Variants in GALNT13 observed in about 807,000 individuals in gnomAD.
GALNT13 encodes the protein UDP-GalNAc:polypeptide N-acetylgalactosaminyltransferase 13.
GALNT13 carries 28 observed loss-of-function variants against 64.2 expected under a neutral mutation model. The ratio of observed to expected loss-of-function variants is 0.44; its 90% CI spans 0.32 to 0.60. The LOEUF (loss-of-function observed/expected upper bound fraction) is 0.60, where lower values mean the gene tolerates loss of function less well. GALNT13 is among the 20% of genes least tolerant of loss of function. GALNT13 has a pLI of 0.05. For synonymous variants in GALNT13, 214 were observed against 224.6 expected (o/e 0.95, Z 0.42); for missense variants, 577 against 669.8 (o/e 0.86, Z 1.53).
chr2:153,428,407 C>G, the GALNT13 span, among the ~76,000 whole-genome samples: 3 of 152,082 alleles, frequency 2.0e-5, no homozygotes, highest in Non-Finnish European at 2.9e-5. Context: ...GTCTTGGGAA[C>G]TCATCCCACT....
the GALNT13 span, among the ~76,000 whole-genome samples, chr2:153,327,338 A>T: frequency 6.6e-6 from 1 of 152,016 alleles, no homozygotes; most frequent in African/African-American, 2.4e-5. Context: ...CCAAATTTGA[A>T]TGTTGGCCTA....
intron 7 of GALNT13, 70 bp from the exon 8 acceptor site, chr2:154,258,951 C>T (rs1180497196): frequency 2.5e-6 from 2 of 790,926 alleles, no homozygotes; most frequent in Admixed American, 4.2e-5. Context: ...AAAATACGTG[C>T]TACAGTCTCA....
intron 9 of GALNT13, among the ~76,000 whole-genome samples, chr2:154,375,011 CAG>C (rs1476490734): frequency 3.3e-5 from 5 of 152,086 alleles, no homozygotes; most frequent in Admixed American, 6.5e-5. Context: ...GTTGTTGAGA[CAG>C]AGTCTCGCTC....
chr2:153,326,251 G>A, the GALNT13 span, among the ~76,000 whole-genome samples: 5 of 150,022 alleles, frequency 3.3e-5, no homozygotes, highest in Admixed American at 6.6e-5. Flanking sequence ...TTGTCTTTTC[G>A]GATCTTTGTT....
At chr2:154,149,536 G>T (rs1474880143) in intron 4 of GALNT13, among the ~76,000 whole-genome samples, 5 of 151,982 alleles carry the variant, frequency 3.3e-5, no homozygotes, top group African/African-American at 4.8e-5. Context: ...CATTTTCATG[G>T]TATTGATTCT....
At chr2:154,083,204 C>T (rs201329978) in intron 3 of GALNT13, among the ~76,000 whole-genome samples, 4 of 151,878 alleles carry the variant, frequency 2.6e-5, no homozygotes, top group East Asian at 3.9e-4. Context: ...TCAGGTTTGT[C>T]GAGGATCAGA....
the GALNT13 span, among the ~76,000 whole-genome samples, chr2:153,754,820 T>G: frequency 6.6e-6 from 1 of 152,158 alleles, no homozygotes; most frequent in Non-Finnish European, 1.5e-5. Flanking sequence ...GAGGAGAGCT[T>G]TAGCCCACAA....
chr2:154,301,755 A>T (rs1051279147), intron 9 of GALNT13, among the ~76,000 whole-genome samples, 166 bp downstream of exon 9: 1 of 152,150 alleles, frequency 6.6e-6, no homozygotes, highest in African/African-American at 2.4e-5. Context: ...GTAAATTTTG[A>T]TGTAAAATAA....
rs374663738 is a variant in GALNT13 at position 154,236,278 on chromosome 2, G to C, written c.312-5752G>C. On this transcript the variant is annotated intron_variant, in intron 4 of 12. Transcript: ENST00000392825. ...TGGCATAAGCCTAAAGGTTTTACAT[G>C]TTTCAAAGAGTCTATCTTTATGGTA... The C allele has an allele frequency of 1.2e-3, 569 of 487,438 alleles. 16 individuals are homozygous for C. In the South Asian group the frequency reaches 0.039, roughly 34 times the overall value. 30.2% of individuals were successfully genotyped at this position (487,438 alleles called of 1,614,324 possible). A position where few individuals can be genotyped will look rare whatever the true frequency, so the allele number is the denominator to read the frequency against.
chr2:153,792,610 C>T, the GALNT13 span, among the ~76,000 whole-genome samples: 1 of 152,114 alleles, frequency 6.6e-6, no homozygotes, highest in African/African-American at 2.4e-5. Context: ...AAATTTTACA[C>T]ATTTTCACAT....
At chr2:153,631,275 G>A in the GALNT13 span, among the ~76,000 whole-genome samples, 1 of 152,254 alleles carries the variant, frequency 6.6e-6, no homozygotes, top group East Asian at 1.9e-4. Flanking sequence ...AAACATACGT[G>A]TGCATGTGTC....
the GALNT13 span, among the ~76,000 whole-genome samples, chr2:153,841,196 CT>C: frequency 6.6e-6 from 1 of 151,890 alleles, no homozygotes; most frequent in Admixed American, 6.6e-5. Context: ...AATATTTTTC[CT>C]TCTATAGAGG....
intron 3 of GALNT13, among the ~76,000 whole-genome samples, chr2:153,968,094 G>A (rs527910542): frequency 3.9e-5 from 6 of 152,090 alleles, no homozygotes; most frequent in Admixed American, 6.6e-5. Flanking sequence ...AGCTGGTGTT[G>A]CTCTGGTCCG....
the GALNT13 span, among the ~76,000 whole-genome samples, chr2:153,508,015 T>C: frequency 2.6e-5 from 4 of 152,202 alleles, no homozygotes; most frequent in Non-Finnish European, 5.9e-5. Flanking sequence ...GGTCCAGTGA[T>C]GTGATCTGCC....
intron 9 of GALNT13, among the ~76,000 whole-genome samples, chr2:154,381,896 A>G (rs1345632058): frequency 6.6e-6 from 1 of 152,118 alleles, no homozygotes; most frequent in Non-Finnish European, 1.5e-5. Flanking sequence ...GATATGCCCA[A>G]ACAGTTTGCA....
intron 7 of GALNT13, among the ~76,000 whole-genome samples, chr2:154,249,650 A>G (rs1267005458): frequency 6.6e-6 from 1 of 152,008 alleles, no homozygotes; most frequent in Non-Finnish European, 1.5e-5. Context: ...TTTACCTTTA[A>G]TCATCATTAA....
the GALNT13 span, among the ~76,000 whole-genome samples, chr2:153,689,938 C>A: frequency 6.6e-6 from 1 of 151,966 alleles, no homozygotes; most frequent in African/African-American, 2.4e-5. Context: ...CTTTTGTTGT[C>A]GCTGTAATTA....
At chr2:154,032,103 G>A (rs1698375550) in intron 3 of GALNT13, among the ~76,000 whole-genome samples, 1 of 151,196 alleles carries the variant, frequency 6.6e-6, no homozygotes, top group Admixed American at 6.6e-5. Flanking sequence ...ACAAGCAGAA[G>A]GAAAAACTAA....
chr2:154,023,304 C>T (rs766141981), intron 3 of GALNT13, among the ~76,000 whole-genome samples: 2 of 151,980 alleles, frequency 1.3e-5, no homozygotes, highest in African/African-American at 2.4e-5. Flanking sequence ...TTAAAGTCTC[C>T]GATTATTATT....
Sources: gnomAD v4.1 joint callset for allele counts (sites outside exome capture counted in the v4.1 genomes callset) on GRCh38, gnomAD v4.1.1 for gene constraint, MANE v1.5 for transcripts, NCBI Gene and HGNC (gene_info 2026-07-23, HGNC 2026-07-21) for gene names.